UNC5D: variants seen among roughly 807,000 people sequenced by gnomAD.
UNC5D encodes netrin receptor UNC5D.
In UNC5D, 39 loss-of-function variants were observed where a neutral mutation model predicts 105.4. The ratio of observed to expected loss-of-function variants is 0.37; its 90% confidence interval spans 0.29 to 0.48. The LOEUF is 0.48. Ranked by LOEUF, UNC5D falls within the 20% of genes least tolerant of loss-of-function variation. UNC5D has a pLI of 0.98. For synonymous variants in UNC5D, 452 were observed against 450.4 expected, an observed-to-expected ratio of 1.00 and a Z score of -0.04; for missense variants, 991 against 1,202.4, an observed-to-expected ratio of 0.82 and a Z score of 2.60.
intron 8 of UNC5D, among the ~76,000 whole-genome samples, chr8:35,706,802 A>C (rs1309248830): frequency 6.6e-6 from 1 of 152,184 alleles, no homozygotes; most frequent in Non-Finnish European, 1.5e-5. Flanking sequence ...TGTTAAATTA[A>C]ATATGCACCA....
chr8:35,603,138 AG>A (rs1356829957), intron 4 of UNC5D, among the ~76,000 whole-genome samples: 46 of 151,822 alleles, frequency 3.0e-4, no homozygotes, highest in Middle Eastern at 3.2e-3. Flanking sequence ...TTGTGATGTT[AG>A]CGTGTCAATT....
At chr8:35,293,425 T>C (rs1437698727) in intron 1 of UNC5D, among the ~76,000 whole-genome samples, 1 of 152,192 alleles carries the variant, frequency 6.6e-6, no homozygotes. Context: ...GCTTGTCTAA[T>C]GTCAATTTGT....
chr8:35,359,833 G>C (rs1352426256), intron 1 of UNC5D, among the ~76,000 whole-genome samples: 4 of 152,116 alleles, frequency 2.6e-5, no homozygotes, highest in African/African-American at 9.7e-5. Flanking sequence ...AGTTGGGCTT[G>C]ATTTGCCCTG....
chr8:35,747,187 T>C (rs550015502), intron 11 of UNC5D, among the ~76,000 whole-genome samples: 1 of 152,324 alleles, frequency 6.6e-6, no homozygotes, highest in Admixed American at 6.5e-5. Context: ...TTACATCTAC[T>C]GTTTTAGACG....
intron 1 of UNC5D, among the ~76,000 whole-genome samples, chr8:35,365,602 A>C (rs944169211): frequency 1.3e-5 from 2 of 149,306 alleles, no homozygotes; most frequent in African/African-American, 4.9e-5. Context: ...AAAAAAAAAA[A>C]AAAAAAAAAA....
At chr8:35,268,286 A>C (rs1805030088) in intron 1 of UNC5D, among the ~76,000 whole-genome samples, 1 of 32,236 alleles carries the variant, frequency 3.1e-5, no homozygotes, top group Admixed American at 4.9e-4. Flanking sequence ...AATGAAACTA[A>C]CAAAAAAACC....
chr8:35,361,114 G>A (rs563309446), intron 1 of UNC5D, among the ~76,000 whole-genome samples: 2 of 152,106 alleles, frequency 1.3e-5, no homozygotes, highest in Non-Finnish European at 2.9e-5. Context: ...TGTGGATGAT[G>A]AGGGAGTTTC....
At chr8:35,407,584 A>G (rs1040146541) in intron 1 of UNC5D, among the ~76,000 whole-genome samples, 3 of 152,026 alleles carry the variant, frequency 2.0e-5, no homozygotes, top group African/African-American at 4.8e-5. Context: ...CAGGTTTGTT[A>G]CATAGGTAAA....
At chr8:35,571,913 A>T (rs1182512695) in intron 3 of UNC5D, among the ~76,000 whole-genome samples, 1 of 152,182 alleles carries the variant, frequency 6.6e-6, no homozygotes, top group East Asian at 1.9e-4. Context: ...AATATTGTTC[A>T]TTAAATTGTT....
rs536022386 is a variant in UNC5D, at chr8:35,446,202, A to C, written c.104-103090A>C. Reference sequence around the variant, plus strand: ...AGTCCTCAAAGGCATTGACAATTTAAAAATATTATTGTAAATGATTCCCTG... The same window carrying C: ...AGTCCTCAAAGGCATTGACAATTTACAAATATTATTGTAAATGATTCCCTG... On this transcript the variant is annotated intron_variant, in intron 1 of 16. Transcript: ENST00000404895. Among the ~76,000 whole-genome samples, 3 of 152,010 alleles carry C rather than the reference A, an allele frequency of 2.0e-5. No individual in the cohort carries two copies. In the East Asian group the frequency reaches 5.8e-4, roughly 30 times the overall value.
intron 1 of UNC5D, among the ~76,000 whole-genome samples, chr8:35,367,135 G>C (rs1472732313): frequency 6.6e-6 from 1 of 152,120 alleles, no homozygotes; most frequent in Non-Finnish European, 1.5e-5. Context: ...AGGGGATATA[G>C]TAAAGAGCAT....
At chr8:35,453,455 A>G (rs1180517244) in intron 1 of UNC5D, among the ~76,000 whole-genome samples, 1 of 152,224 alleles carries the variant, frequency 6.6e-6, no homozygotes, top group Non-Finnish European at 1.5e-5. Context: ...ACCCCTGGTC[A>G]CGTCAATCTA....
At chr8:35,777,557 A>G (rs542530748) in intron 16 of UNC5D, among the ~76,000 whole-genome samples, 14 of 152,344 alleles carry the variant, frequency 9.2e-5, no homozygotes, top group Admixed American at 2.0e-4. Flanking sequence ...ACTAAGAGCC[A>G]GCAAACTTAT....
chr8:35,782,915 C>G (rs1456523565), intron 16 of UNC5D, among the ~76,000 whole-genome samples: 1 of 152,086 alleles, frequency 6.6e-6, no homozygotes, highest in South Asian at 2.1e-4. Context: ...GGGACAATCA[C>G]TTGATCTCAG....
chr8:35,697,770 C>T (rs913439896), intron 7 of UNC5D, among the ~76,000 whole-genome samples: 2 of 152,096 alleles, frequency 1.3e-5, no homozygotes, highest in Non-Finnish European at 2.9e-5. Context: ...ACCCTATGTA[C>T]AGGTAATTTG....
chr8:35,351,458 A>G (rs1812231275), intron 1 of UNC5D, among the ~76,000 whole-genome samples: 1 of 152,124 alleles, frequency 6.6e-6, no homozygotes. Flanking sequence ...TGCAGTTTAA[A>G]TAATTTGAAG....
chr8:35,257,152 A>G (rs969347528), intron 1 of UNC5D, among the ~76,000 whole-genome samples: 2 of 151,628 alleles, frequency 1.3e-5, no homozygotes, highest in Non-Finnish European at 2.9e-5. Flanking sequence ...TTTTATTTGT[A>G]GTAGAGACGG....
Position 35,766,901 on chromosome 8 carries a change from G to C in UNC5D, c.2314-1G>C. On this transcript the variant is annotated splice_acceptor_variant, in intron 14 of 16. Transcript: ENST00000404895. LOFTEE classifies it high-confidence loss of function. Reference sequence around the variant, plus strand: ...ATCCCTTCTCTCCGTCTCCCCTGCAGGAAGTCCCGTTCTCCCGCGTGTGGT... The same window carrying C: ...ATCCCTTCTCTCCGTCTCCCCTGCACGAAGTCCCGTTCTCCCGCGTGTGGT... The C allele has an allele frequency of 6.2e-7, 1 of 1,610,986 alleles. No individual in the cohort carries two copies. Among genetic ancestry groups the C allele is most frequent in the Non-Finnish European group, 8.5e-7 (1 of 1,178,168 alleles).
At chr8:35,358,990 G>T (rs1801713083) in intron 1 of UNC5D, among the ~76,000 whole-genome samples, 1 of 152,046 alleles carries the variant, frequency 6.6e-6, no homozygotes, top group Non-Finnish European at 1.5e-5. Flanking sequence ...TGGCCATAGA[G>T]ACTATAAACC....
Sources: gnomAD v4.1 joint callset for allele counts (sites outside exome capture counted in the v4.1 genomes callset) on GRCh38, gnomAD v4.1.1 for gene constraint, MANE v1.5 for transcripts, NCBI Gene and HGNC (gene_info 2026-07-23, HGNC 2026-07-21) for gene names.